SGIP1: variants seen among roughly 807,000 people sequenced by gnomAD.
SGIP1 encodes SH3-containing GRB2-like protein 3-interacting protein 1.
A neutral mutation model predicts 107.5 loss-of-function variants in SGIP1; 38 were observed. That is an observed-to-expected ratio of 0.35 (90% confidence interval 0.27 to 0.46). The LOEUF (loss-of-function observed/expected upper bound fraction) is 0.46. SGIP1 is among the 20% of genes least tolerant of loss of function. SGIP1 has a pLI of 1.00. For synonymous variants in SGIP1, 365 were observed against 366.1 expected, an observed-to-expected ratio of 1.00 and a Z score of 0.03; for missense variants, 929 against 1,019.5, an observed-to-expected ratio of 0.91 and a Z score of 1.21.
At position 66,602,350 on chromosome 1, in the gene SGIP1, T is replaced by A. The variant is rs115871845; in HGVS notation, c.11-23497T>A. 7.4e-3 allele frequency among the ~76,000 whole-genome samples: 1,120 copies of A among 152,248 alleles called. 8 individuals are homozygous for A. The highest frequency in any genetic ancestry group is 0.015 in the Admixed American group (222 of 15,296). On this transcript the variant is annotated intron_variant, in intron 1 of 24. Transcript: ENST00000371037. Reference sequence around the variant, plus strand: ...CTGGAGACCTTTTTAATGTATAAATTCCTGGGCCTCAATCCAAGAATTATG... The same window carrying A: ...CTGGAGACCTTTTTAATGTATAAATACCTGGGCCTCAATCCAAGAATTATG...
At chr1:66,712,310 T>G (rs1237003234) in intron 18 of SGIP1, among the ~76,000 whole-genome samples, 1 of 152,186 alleles carries the variant, frequency 6.6e-6, no homozygotes, top group African/African-American at 2.4e-5. Context: ...AAATACGTTG[T>G]CTTCATGAGC....
chr1:66,576,274 T>C (rs1172161962), intron 1 of SGIP1, among the ~76,000 whole-genome samples: 1 of 152,164 alleles, frequency 6.6e-6, no homozygotes, highest in Non-Finnish European at 1.5e-5. Context: ...TTGGAAAATC[T>C]GTCTTTCCTG....
At chr1:66,654,110 C>T (rs1352552547) in intron 7 of SGIP1, among the ~76,000 whole-genome samples, 1 of 152,130 alleles carries the variant, frequency 6.6e-6, no homozygotes, top group Non-Finnish European at 1.5e-5. Flanking sequence ...TGGATGGATG[C>T]ACCACGGGAC....
At chr1:66,580,905 C>G (rs12091471) in intron 1 of SGIP1, among the ~76,000 whole-genome samples, 28,589 of 151,948 alleles carry the variant, frequency 0.19, 3,179 homozygotes, top group African/African-American at 0.31. Context: ...AAAAAATGAG[C>G]TGTTGTAACT....
At chr1:66,722,033 G>T (rs899899529) in intron 19 of SGIP1, among the ~76,000 whole-genome samples, 2 of 151,966 alleles carry the variant, frequency 1.3e-5, no homozygotes, top group Non-Finnish European at 2.9e-5. Flanking sequence ...CCCCGTGGCC[G>T]TGTCTCTGAT....
At chr1:66,560,579 G>A (rs1446652455) in intron 1 of SGIP1, among the ~76,000 whole-genome samples, 1 of 152,030 alleles carries the variant, frequency 6.6e-6, no homozygotes, top group Admixed American at 6.6e-5. Context: ...GAGACCCAGT[G>A]AACTGCCAAA....
At chr1:66,603,938 C>T (rs899165528) in intron 1 of SGIP1, among the ~76,000 whole-genome samples, 4 of 152,102 alleles carry the variant, frequency 2.6e-5, no homozygotes, top group Non-Finnish European at 4.4e-5. Context: ...TACTAAGAAT[C>T]GGAAAAGAGT....
At chr1:66,713,696 C>T (rs2093058213) in intron 18 of SGIP1, among the ~76,000 whole-genome samples, 2 of 151,972 alleles carry the variant, frequency 1.3e-5, no homozygotes, top group African/African-American at 2.4e-5. Flanking sequence ...TCTCTGTATC[C>T]CTCGGCACCT....
intron 19 of SGIP1, among the ~76,000 whole-genome samples, chr1:66,728,041 CT>C (rs2093837864): frequency 1.3e-5 from 2 of 151,900 alleles, no homozygotes; most frequent in African/African-American, 4.8e-5. Flanking sequence ...TTCATAAAGC[CT>C]TTTTTAAAAA....
chr1:66,678,689 G>T (rs1042176958), intron 13 of SGIP1, among the ~76,000 whole-genome samples: 1 of 152,078 alleles, frequency 6.6e-6, no homozygotes, highest in African/African-American at 2.4e-5. Context: ...AGAACAGGAT[G>T]CTACCTAAAA....
chr1:66,715,037 T>A (rs1437837270), intron 18 of SGIP1, among the ~76,000 whole-genome samples: 2 of 152,184 alleles, frequency 1.3e-5, no homozygotes, highest in Non-Finnish European at 2.9e-5. Flanking sequence ...ATACCTGGTA[T>A]TCTTGTCAAT....
chr1:66,717,821 T>C (rs1031479390), intron 18 of SGIP1, among the ~76,000 whole-genome samples: 1 of 152,150 alleles, frequency 6.6e-6, no homozygotes, highest in Non-Finnish European at 1.5e-5. Flanking sequence ...GCAATATATG[T>C]AAAACACTTA....
intron 18 of SGIP1, among the ~76,000 whole-genome samples, chr1:66,696,273 G>A (rs930870588): frequency 6.6e-6 from 1 of 152,128 alleles, no homozygotes; most frequent in Admixed American, 6.5e-5. Flanking sequence ...ACTAATGATG[G>A]GGGAAGAAGT....
intron 1 of SGIP1, among the ~76,000 whole-genome samples, chr1:66,536,031 A>G (rs763349062): frequency 2.0e-5 from 3 of 152,222 alleles, no homozygotes; most frequent in Non-Finnish European, 2.9e-5. Flanking sequence ...TGAAGGTTGT[A>G]ACGTTTTTTG....
At chr1:66,581,806 T>C (rs1475920845) in intron 1 of SGIP1, among the ~76,000 whole-genome samples, 1 of 152,046 alleles carries the variant, frequency 6.6e-6, no homozygotes, top group Admixed American at 6.6e-5. Flanking sequence ...TATTTAACAA[T>C]TCACCACTAA....
intron 20 of SGIP1, among the ~76,000 whole-genome samples, chr1:66,732,103 A>T (rs1200555378): frequency 6.6e-6 from 1 of 152,188 alleles, no homozygotes; most frequent in Non-Finnish European, 1.5e-5. Flanking sequence ...CAGCAAATGT[A>T]TTTCTTTAAA....
At chr1:66,639,374 A>G (rs1418867882) in intron 4 of SGIP1, among the ~76,000 whole-genome samples, 1 of 152,248 alleles carries the variant, frequency 6.6e-6, no homozygotes, top group Non-Finnish European at 1.5e-5. Context: ...TGTTGTAACT[A>G]ATTGTATATA....
chr1:66,561,994 G>A (rs769682248), intron 1 of SGIP1, among the ~76,000 whole-genome samples: 1 of 151,844 alleles, frequency 6.6e-6, no homozygotes, highest in Non-Finnish European at 1.5e-5. Context: ...ATAAAATCTT[G>A]AGTCACAGAT....
chr1:66,659,822 A>T (rs1394087310), intron 7 of SGIP1, among the ~76,000 whole-genome samples: 2 of 151,114 alleles, frequency 1.3e-5, no homozygotes, highest in Admixed American at 1.3e-4. Flanking sequence ...AGGTGGGAGG[A>T]TCTCTTGAAA....
Sources: gnomAD v4.1 joint callset for allele counts (sites outside exome capture counted in the v4.1 genomes callset) on GRCh38, gnomAD v4.1.1 for gene constraint, MANE v1.5 for transcripts, NCBI Gene and HGNC (gene_info 2026-07-23, HGNC 2026-07-21) for gene names.